The following RPTOR variants were observed in gnomAD, a reference collection of about 807,000 sequenced individuals.
RPTOR encodes the protein regulatory associated protein of MTOR complex 1.
RPTOR carries 21 observed loss-of-function variants against 169.9 expected under a neutral mutation model. That is an observed-to-expected ratio of 0.12 (90% CI 0.09 to 0.18). RPTOR has a LOEUF of 0.18. Among genes scored for constraint, RPTOR ranks in the 10% least tolerant of loss-of-function variants. RPTOR has a pLI of 1.00. For missense variants in RPTOR, 1,133 were observed against 1,855.9 expected, an observed-to-expected ratio of 0.61 and a Z score of 7.16; for synonymous variants, 732 against 753.2, an observed-to-expected ratio of 0.97 and a Z score of 0.46.
At chr17:80,922,703 C>A (rs772698703) in intron 21 of RPTOR, 21 bp from the exon 22 acceptor site, 3 of 1,558,624 alleles carry the variant, frequency 1.9e-6, no homozygotes, top group South Asian at 2.3e-5. Flanking sequence ...GACCTTCACA[C>A]CCCCATTCCT....
chr17:80,652,302 C>G (rs767695305), intron 3 of RPTOR, among the ~76,000 whole-genome samples: 1 of 152,214 alleles, frequency 6.6e-6, no homozygotes, highest in Non-Finnish European at 1.5e-5. Context: ...CAAAGCCCAT[C>G]GGCAGTCATT....
intron 3 of RPTOR, among the ~76,000 whole-genome samples, chr17:80,702,997 C>T (rs2066113887): frequency 6.6e-6 from 1 of 152,184 alleles, no homozygotes; most frequent in Non-Finnish European, 1.5e-5. Context: ...GAAAATCTCC[C>T]AGCGATCTGT....
In RPTOR at chr17:80,947,466, C is replaced by T. The variant is rs17848712; in HGVS notation, c.3265+115C>T. On this transcript the variant is annotated intron_variant, in intron 27 of 33. Coordinates refer to ENST00000306801, the MANE Select transcript of RPTOR (RefSeq NM_020761.3). This position sits in a 1 kb window ranked among gnomAD's most constrained non-coding sequence, Gnocchi z 4.4. ...TGTCTTACAGAAAGCCCTGCTCACA[C>T]GCGAGGGCCACTGTCATTCAGAAGT... 17 of 1,297,438 alleles carry T rather than the reference C, an allele frequency of 1.3e-5. No individual in the cohort carries two copies. The highest frequency in any genetic ancestry group is 1.7e-5 in the Non-Finnish European group (17 of 1,000,272). 80.4% of individuals were successfully genotyped at this position (1,297,438 alleles called of 1,614,324 possible).
At chr17:80,602,652 C>T (rs549150416) in intron 1 of RPTOR, 4 of 686,910 alleles carry the variant, frequency 5.8e-6, no homozygotes, top group East Asian at 5.6e-5. Flanking sequence ...ATCCTCATTA[C>T]ATTTTCTGGA....
intron 6 of RPTOR, among the ~76,000 whole-genome samples, chr17:80,782,427 T>C (rs1302465800): frequency 6.6e-6 from 1 of 152,180 alleles, no homozygotes; most frequent in African/African-American, 2.4e-5. Flanking sequence ...CTGAGTTTTA[T>C]GGGTTTGCCA....
At chr17:80,740,159 C>T (rs1324337017) in intron 5 of RPTOR, among the ~76,000 whole-genome samples, 1 of 152,168 alleles carries the variant, frequency 6.6e-6, no homozygotes, top group African/African-American at 2.4e-5. Context: ...TGGACCAATT[C>T]CTCGAAAACC....
rs572862059 is a variant in RPTOR, at chr17:80,964,712, C to T, written c.*382C>T. 135 of 288,310 alleles carry T rather than the reference C, an allele frequency of 4.7e-4. No individual in the cohort carries two copies. Among genetic ancestry groups the T allele is most frequent in the Middle Eastern group, 9.7e-4 (1 of 1,036 alleles). The allele number at this position is 288,310 out of a possible 1,614,324, so 17.9% of individuals were successfully genotyped here. On this transcript the variant is annotated 3_prime_UTR_variant, in exon 34 of 34. Transcript: ENST00000306801. ...GAAAAACCCCCCGACAGAGCCCTGG[C>T]GGAGAGGCAGGCGCTGGGGCTCCTA...
intron 1 of RPTOR, among the ~76,000 whole-genome samples, chr17:80,553,778 G>A (rs2084373323): frequency 6.6e-6 from 1 of 151,158 alleles, no homozygotes; most frequent in African/African-American, 2.4e-5. Flanking sequence ...ATCTTGCTCT[G>A]TTGCCCAGGT....
At chr17:80,919,347 C>A (rs529105234) in intron 21 of RPTOR, among the ~76,000 whole-genome samples, 127 of 152,320 alleles carry the variant, frequency 8.3e-4, no homozygotes, top group South Asian at 1.7e-3. Flanking sequence ...CTGGATAATC[C>A]TCTGGGAATC....
At chr17:80,852,219 A>G (rs2067800682) in intron 11 of RPTOR, among the ~76,000 whole-genome samples, 1 of 152,182 alleles carries the variant, frequency 6.6e-6, no homozygotes, top group Non-Finnish European at 1.5e-5. Flanking sequence ...GAATAAGCCC[A>G]AGTCAAGTAC....
In RPTOR at chr17:80,606,017, G is replaced by C. The variant is rs541583257; in HGVS notation, c.163-19674G>C. On this transcript the variant is annotated intron_variant, in intron 1 of 33. Transcript: ENST00000306801. ...GCGTGTCTCTTACCAATAGACTTTT[G>C]TTTTTGTTTTTTGAGATGGCGTCTC... is the stretch of plus-strand genomic sequence containing the variant. Among the ~76,000 whole-genome samples, 5 of 152,174 alleles carry C rather than the reference G, an allele frequency of 3.3e-5. No homozygotes were observed. The South Asian group carries it at 1.0e-3, about 32-fold the overall frequency.
chr17:80,814,952 G>A (rs997052789), intron 7 of RPTOR, among the ~76,000 whole-genome samples: 2 of 152,170 alleles, frequency 1.3e-5, no homozygotes, highest in African/African-American at 4.8e-5. Context: ...GGATCCATAG[G>A]TGTCCCCTAA....
At chr17:80,663,159 C>T (rs867839093) in intron 3 of RPTOR, among the ~76,000 whole-genome samples, 11 of 152,290 alleles carry the variant, frequency 7.2e-5, no homozygotes, top group Middle Eastern at 3.4e-3. Flanking sequence ...CTGGGTGTCC[C>T]GGAGCCTGCA....
chr17:80,832,226 A>C (rs866409771), intron 9 of RPTOR, among the ~76,000 whole-genome samples: 2 of 152,234 alleles, frequency 1.3e-5, no homozygotes, highest in African/African-American at 4.8e-5. Context: ...ACAAATGGGC[A>C]TGTGTGAGCA....
chr17:80,759,430 T>A (rs748057577), intron 6 of RPTOR, among the ~76,000 whole-genome samples: 2 of 152,096 alleles, frequency 1.3e-5, no homozygotes, highest in Non-Finnish European at 2.9e-5. Flanking sequence ...AAGAGGGACT[T>A]TGAAATCAAT....
chr17:80,789,985 T>C (rs375312912), intron 6 of RPTOR, among the ~76,000 whole-genome samples: 80 of 152,374 alleles, frequency 5.3e-4, no homozygotes, highest in South Asian at 3.5e-3. Flanking sequence ...CGCATAGGAC[T>C]CAGATTTGAA....
In RPTOR at chr17:80,923,655, C is replaced by T. The variant is rs768543269; in HGVS notation, c.2790C>T (p.Phe930=). The T allele has an allele frequency of 1.6e-5, 26 of 1,604,988 alleles. No individual in the cohort carries two copies. The highest frequency in any genetic ancestry group is 2.2e-5 in the East Asian group (1 of 44,600). ...SHQFPRTRKM[F]DKGPEQTADD... is the part of the protein sequence containing the mutation. ...AGTTCCCCCGGACACGGAAGATGTT[C>T]GACAAGGGCCCAGAGCAGGTACGGG... The change falls in exon 23 of 34, where the codon TTC becomes TTT. Residue 930 remains phenylalanine (F), a synonymous_variant. Coordinates refer to ENST00000306801, the MANE Select transcript of RPTOR (RefSeq NM_020761.3).
chr17:80,867,590 AT>A (rs1164516257), intron 13 of RPTOR, among the ~76,000 whole-genome samples: 1 of 152,192 alleles, frequency 6.6e-6, no homozygotes, highest in Non-Finnish European at 1.5e-5. Context: ...GTTTAACTGT[AT>A]TTTCAGACAG....
intron 7 of RPTOR, among the ~76,000 whole-genome samples, chr17:80,799,566 G>A (rs987623500): frequency 5.9e-5 from 9 of 152,188 alleles, no homozygotes; most frequent in African/African-American, 2.2e-4. Context: ...TGAGGACGAC[G>A]TTGGTTCCTG....
Sources: allele counts gnomAD v4.1 joint callset (sites outside exome capture counted in the v4.1 genomes callset), GRCh38; gene constraint gnomAD v4.1.1; non-coding constraint Gnocchi (gnomAD v3.1); transcripts MANE v1.5; gene names NCBI Gene and HGNC (gene_info 2026-07-23, HGNC 2026-07-21).